Variants in MC2R observed in about 807,000 individuals in gnomAD.
MC2R encodes melanocortin 2 receptor, also known as adrenocorticotropic hormone receptor.
In MC2R, 9 loss-of-function variants were observed where a neutral mutation model predicts 9.8. The ratio of observed to expected loss-of-function variants is 0.92; its 90% CI spans 0.55 to 1.60. MC2R has a LOEUF of 1.60. Ranked by LOEUF, MC2R falls within the 40% of genes most tolerant of loss-of-function variation. The pLI is 0.00. For synonymous variants in MC2R, 185 were observed against 154.7 expected (o/e 1.20, Z -1.45); for missense variants, 370 against 389.0 (o/e 0.95, Z 0.41).
chr18:13,905,260 C>A (rs543148941), intron 1 of MC2R, among the ~76,000 whole-genome samples: 2 of 151,976 alleles, frequency 1.3e-5, no homozygotes, highest in African/African-American at 2.4e-5. Context: ...GACATTTATG[C>A]GGCCAACAAA....
At chr18:13,905,746 G>C (rs1323998987) in intron 1 of MC2R, among the ~76,000 whole-genome samples, 1 of 152,136 alleles carries the variant, frequency 6.6e-6, no homozygotes, top group Admixed American at 6.5e-5. Flanking sequence ...CCATTACTGG[G>C]TATATACCCA....
chr18:13,882,587 A>G lies in MC2R; in HGVS notation c.*2038T>C, dbSNP rs1009284940. 2 of 152,246 alleles carry G rather than the reference A, an allele frequency of 1.3e-5. No individual in the cohort carries two copies. The highest frequency in any genetic ancestry group is 2.9e-5 in the Non-Finnish European group (2 of 68,044). 9.4% of individuals were successfully genotyped at this position (152,246 alleles called of 1,614,324 possible). A position where few individuals can be genotyped will look rare whatever the true frequency, so the allele number is the denominator to read the frequency against. On this transcript the variant is annotated 3_prime_UTR_variant, in exon 2 of 2. Transcript: ENST00000327606. Reference sequence around the variant, plus strand: ...GAGAGCTTGAGAGTGATTAGGAGACAGCAAAGCTGTTGACAAAGGCAGAAT... The same window carrying G: ...GAGAGCTTGAGAGTGATTAGGAGACGGCAAAGCTGTTGACAAAGGCAGAAT...
chr18:13,884,680 C>T lies in MC2R; in HGVS notation c.839G>A (p.Ser280Asn). 1 of 1,614,028 alleles carries T rather than the reference C, an allele frequency of 6.2e-7. No homozygotes were observed. Among genetic ancestry groups the T allele is most frequent in the Middle Eastern group, 1.7e-4 (1 of 6,006 alleles). Residue 280 changes from serine to asparagine, a missense_variant, in exon 2 of 2, where the codon AGC becomes AAC. Coordinates refer to ENST00000327606, the MANE Select transcript of MC2R (RefSeq NM_000529.2). ...TTTGAATGCGTCCCTGAGCTCTGGG[C>T]TCCGGAAGGCATATATGAAGGGGTC... ...VIDPFIYAFRSPELRDAFKKM... is the reference protein window; with the variant it reads ...VIDPFIYAFRNPELRDAFKKM...
intron 1 of MC2R, among the ~76,000 whole-genome samples, chr18:13,891,152 C>T (rs2045313599): frequency 6.6e-6 from 1 of 152,196 alleles, no homozygotes; most frequent in Non-Finnish European, 1.5e-5. Context: ...GGCCAGCATG[C>T]CTCCGCTTCC....
chr18:13,901,673 T>C (rs1400733479), intron 1 of MC2R, among the ~76,000 whole-genome samples: 1 of 152,008 alleles, frequency 6.6e-6, no homozygotes, highest in African/African-American at 2.4e-5. Flanking sequence ...CCTAACAAGA[T>C]TGAACCAGGA....
intron 1 of MC2R, among the ~76,000 whole-genome samples, chr18:13,904,566 A>T (rs1438444754): frequency 1.3e-5 from 2 of 151,120 alleles, no homozygotes; most frequent in Non-Finnish European, 2.9e-5. Flanking sequence ...AGACAGGAGA[A>T]AAAAAAGGAA....
intron 1 of MC2R, among the ~76,000 whole-genome samples, chr18:13,894,132 G>C (rs1274733356): frequency 1.5e-5 from 2 of 130,296 alleles, no homozygotes; most frequent in African/African-American, 6.2e-5. Flanking sequence ...AGAAGCATGT[G>C]TGTTTGTGTG....
At position 13,883,732 on chromosome 18, in the gene MC2R, C is replaced by A. The variant is rs76552404; in HGVS notation, c.*893G>T. The A allele has an allele frequency of 6.6e-6, 1 of 151,504 alleles. No individual in the cohort carries two copies. Among genetic ancestry groups the A allele is most frequent in the South Asian group, 2.1e-4 (1 of 4,810 alleles). 9.4% of individuals were successfully genotyped at this position (151,504 alleles called of 1,614,324 possible). A position where few individuals can be genotyped will look rare whatever the true frequency, so the allele number is the denominator to read the frequency against. On this transcript the variant is annotated 3_prime_UTR_variant, in exon 2 of 2. Transcript: ENST00000327606. The stretch of plus-strand genomic sequence containing the variant: ...CTTTTCTTGTACTTCTACATTGTAA[C>A]ACACATAGTTTGGTTACAGCTTCTT...
Position 13,883,627 on chromosome 18 carries a change from A to ACACTCT in MC2R, c.*997_*998insAGAGTG, listed in dbSNP as rs886053639. The ACACTCT allele has an allele frequency of 1.3e-4, 7 of 53,126 alleles. No homozygotes were observed. Among genetic ancestry groups the ACACTCT allele is most frequent in the Non-Finnish European group, 3.1e-4 (7 of 22,336 alleles). The allele number at this position is 53,126 out of a possible 1,614,324, so 3.3% of individuals were successfully genotyped here. ...CACACACACACACACACACACACAC[A>ACACTCT]CTCTCTCTCTCTCTCTCTCTCTCTC... On this transcript the variant is annotated 3_prime_UTR_variant, in exon 2 of 2. Transcript: ENST00000327606.
At position 13,901,805 on chromosome 18, in the gene MC2R, AAAG is replaced by A. The variant is rs1396870443; in HGVS notation, c.-129+13680_-129+13682del. Among the ~76,000 whole-genome samples the A allele has an allele frequency of 1.4e-4, 22 of 152,298 alleles. No individual in the cohort carries two copies. The East Asian group carries it at 3.9e-3, about 27-fold the overall frequency. On this transcript the variant is annotated intron_variant, in intron 1 of 1. Coordinates refer to ENST00000327606, the MANE Select transcript of MC2R (RefSeq NM_000529.2). ...CACTGCTGAATTCTACTGAACATTT[AAAG>A]AAGAACTAGTACCAATCCTACTCAA...
At chr18:13,909,945 AT>A (rs1434250704) in intron 1 of MC2R, among the ~76,000 whole-genome samples, 3 of 152,124 alleles carry the variant, frequency 2.0e-5, no homozygotes, top group Non-Finnish European at 2.9e-5. Flanking sequence ...TCTATTATTT[AT>A]TTTTTCTTTC....
At chr18:13,909,065 C>T (rs889779723) in intron 1 of MC2R, among the ~76,000 whole-genome samples, 1 of 152,134 alleles carries the variant, frequency 6.6e-6, no homozygotes, top group African/African-American at 2.4e-5. Context: ...CTCTGGGTCT[C>T]ATCCAGGACA....
chr18:13,898,681 ACT>A (rs1241786188), intron 1 of MC2R, among the ~76,000 whole-genome samples: 1 of 151,990 alleles, frequency 6.6e-6, no homozygotes, highest in Non-Finnish European at 1.5e-5. Flanking sequence ...AGAGAGAGAG[ACT>A]CTGTATGTTT....
At chr18:13,900,754 T>C (rs574396948) in intron 1 of MC2R, among the ~76,000 whole-genome samples, 3 of 152,024 alleles carry the variant, frequency 2.0e-5, no homozygotes, top group Non-Finnish European at 4.4e-5. Context: ...ATAAAGCAAA[T>C]TTATTAGCAC....
At chr18:13,898,765 G>A (rs2045361842) in intron 1 of MC2R, among the ~76,000 whole-genome samples, 1 of 152,242 alleles carries the variant, frequency 6.6e-6, no homozygotes, top group Non-Finnish European at 1.5e-5. Context: ...TCTTGTCCAA[G>A]GCCATCAAGG....
chr18:13,908,104 C>A (rs143207238), intron 1 of MC2R, among the ~76,000 whole-genome samples: 1 of 152,050 alleles, frequency 6.6e-6, no homozygotes, highest in Non-Finnish European at 1.5e-5. Flanking sequence ...GCATTATTCA[C>A]GAAAGCCAAA....
intron 1 of MC2R, among the ~76,000 whole-genome samples, chr18:13,908,896 C>A (rs2045429090): frequency 6.6e-6 from 1 of 152,198 alleles, no homozygotes; most frequent in Admixed American, 6.5e-5. Context: ...AGAGTCCCCA[C>A]AAACCTCACA....
intron 1 of MC2R, among the ~76,000 whole-genome samples, chr18:13,908,651 A>C (rs2045427265): frequency 6.6e-6 from 1 of 151,820 alleles, no homozygotes; most frequent in South Asian, 2.1e-4. Flanking sequence ...ACAGCTATTA[A>C]AACTACATAC....
intron 1 of MC2R, among the ~76,000 whole-genome samples, chr18:13,889,494 G>T (rs906657597): frequency 3.3e-5 from 5 of 152,198 alleles, no homozygotes; most frequent in African/African-American, 1.2e-4. Flanking sequence ...GCAAGGAAAA[G>T]CAAAACCGAC....
Sources: gnomAD v4.1 joint callset for allele counts (sites outside exome capture counted in the v4.1 genomes callset) on GRCh38, gnomAD v4.1.1 for gene constraint, MANE v1.5 for transcripts, NCBI Gene and HGNC (gene_info 2026-07-23, HGNC 2026-07-21) for gene names.